ANO10: variants seen among roughly 807,000 people sequenced by gnomAD.
The protein encoded by ANO10 is anoctamin-10.
Under a neutral mutation model 74.7 loss-of-function variants are expected in ANO10, and 77 were observed. The observed-to-expected ratio is 1.03, with a 90% confidence interval of 0.86 to 1.25. ANO10 has a LOEUF of 1.25. Ranked by LOEUF, ANO10 falls within the 50% of genes most tolerant of loss-of-function variation. The pLI, the probability that ANO10 is intolerant of heterozygous loss-of-function variation, is 0.00. For synonymous variants in ANO10, 279 were observed against 284.9 expected, an observed-to-expected ratio of 0.98 and a Z score of 0.21; for missense variants, 721 against 778.1, an observed-to-expected ratio of 0.93 and a Z score of 0.87.
At chr3:43,414,945 T>A (rs2092715301) in intron 12 of ANO10, among the ~76,000 whole-genome samples, 1 of 151,236 alleles carries the variant, frequency 6.6e-6, no homozygotes, top group Non-Finnish European at 1.5e-5. Flanking sequence ...CCTCACCCTG[T>A]ATGGTTGTTC....
intron 12 of ANO10, among the ~76,000 whole-genome samples, chr3:43,409,437 T>C (rs2092629296): frequency 6.6e-6 from 1 of 151,886 alleles, no homozygotes; most frequent in African/African-American, 2.4e-5. Flanking sequence ...CCCAGCTACT[T>C]GTGGGGTGAG....
At chr3:43,500,052 G>T (rs1158085336) in intron 11 of ANO10, among the ~76,000 whole-genome samples, 2 of 151,762 alleles carry the variant, frequency 1.3e-5, no homozygotes, top group Non-Finnish European at 2.9e-5. Context: ...TCGTCATGTT[G>T]GCCGGGCTGC....
chr3:43,447,593 T>G (rs2093266539), intron 11 of ANO10, among the ~76,000 whole-genome samples: 1 of 152,216 alleles, frequency 6.6e-6, no homozygotes, highest in African/African-American at 2.4e-5. Context: ...AGAAAGACAC[T>G]GATTCCAGTT....
At chr3:43,530,140 C>T (rs550613101) in intron 11 of ANO10, among the ~76,000 whole-genome samples, 3 of 151,958 alleles carry the variant, frequency 2.0e-5, no homozygotes, top group Admixed American at 6.6e-5. Flanking sequence ...GAATTAAGGT[C>T]CAAAAGCATT....
intron 11 of ANO10, among the ~76,000 whole-genome samples, chr3:43,519,889 T>C (rs924790304): frequency 6.6e-6 from 1 of 152,190 alleles, no homozygotes; most frequent in African/African-American, 2.4e-5. Context: ...TTTTCAGTTC[T>C]TGTAACTGTA....
chr3:43,690,765 G>C (rs556727299), intron 1 of ANO10: 1 of 433,658 alleles, frequency 2.3e-6, no homozygotes, highest in African/African-American at 2.1e-5. Flanking sequence ...TTACACCCGG[G>C]AGCGTCGGGC....
In ANO10 at chr3:43,428,796, C is replaced by CA. The variant is rs56213626; in HGVS notation, c.1914+3814dup. 5.6e-3 allele frequency among the ~76,000 whole-genome samples: 310 copies of CA among 55,414 alleles called. 30 individuals are homozygous for CA. The highest frequency in any genetic ancestry group is 0.083 in the Middle Eastern group (2 of 24). 36.4% of individuals were successfully genotyped at this position (55,414 alleles called of 152,430 possible). On this transcript the variant is annotated intron_variant, in intron 12 of 12. Coordinates refer to ENST00000292246, the MANE Select transcript of ANO10 (RefSeq NM_018075.5). The stretch of plus-strand genomic sequence containing the variant: ...CCAAAATCCTGAAACTTTGTGAATG[C>CA]AAAAAAAAAAAAAAAAAAAAAAGTC...
intron 12 of ANO10, among the ~76,000 whole-genome samples, chr3:43,385,529 G>A (rs542191775): frequency 6.6e-6 from 1 of 152,246 alleles, no homozygotes; most frequent in East Asian, 1.9e-4. Context: ...CAACCAACGA[G>A]TGGATAAAGA....
intron 9 of ANO10, among the ~76,000 whole-genome samples, chr3:43,556,584 A>G (rs1030914901): frequency 1.3e-5 from 2 of 152,198 alleles, no homozygotes; most frequent in African/African-American, 4.8e-5. Context: ...CAAGGACATA[A>G]TCCAACAGCA....
At chr3:43,419,672 T>C (rs908336730) in intron 12 of ANO10, among the ~76,000 whole-genome samples, 1 of 151,974 alleles carries the variant, frequency 6.6e-6, no homozygotes, top group African/African-American at 2.4e-5. Flanking sequence ...TGCACCACCA[T>C]GGCTGGCTAA....
At chr3:43,417,473 C>T (rs2092758508) in intron 12 of ANO10, among the ~76,000 whole-genome samples, 2 of 152,178 alleles carry the variant, frequency 1.3e-5, no homozygotes, top group Admixed American at 6.5e-5. Flanking sequence ...CCGGCGCATC[C>T]ACTACCGGTT....
intron 1 of ANO10, among the ~76,000 whole-genome samples, chr3:43,658,119 T>C (rs1259538275): frequency 6.6e-6 from 1 of 152,170 alleles, no homozygotes; most frequent in Non-Finnish European, 1.5e-5. Context: ...TTGAAAATAA[T>C]ATGAAATAAT....
chr3:43,466,450 T>A (rs2075631208), intron 11 of ANO10, among the ~76,000 whole-genome samples: 1 of 140,820 alleles, frequency 7.1e-6, no homozygotes, highest in African/African-American at 2.6e-5. Flanking sequence ...TATAATAGAG[T>A]CCTGAAATTG....
upstream of ANO10, among the ~76,000 whole-genome samples, chr3:43,625,776 C>T (rs574336954): frequency 1.3e-4 from 20 of 152,190 alleles, no homozygotes; most frequent in African/African-American, 3.9e-4. Context: ...CAGTTTGTCA[C>T]GTCCTTTGAT....
intron 11 of ANO10, among the ~76,000 whole-genome samples, chr3:43,446,545 A>T (rs2093249295): frequency 1.3e-5 from 2 of 152,248 alleles, no homozygotes; most frequent in South Asian, 2.1e-4. Flanking sequence ...ATACTGGTTT[A>T]TGGTTTATTA....
At chr3:43,658,555 T>C (rs1304166772) in intron 1 of ANO10, among the ~76,000 whole-genome samples, 3 of 152,048 alleles carry the variant, frequency 2.0e-5, no homozygotes, top group Admixed American at 2.0e-4. Context: ...CTGCAACCTC[T>C]GCCTCCTGGG....
chr3:43,685,478 C>T (rs760171080), intron 1 of ANO10, among the ~76,000 whole-genome samples: 3 of 151,952 alleles, frequency 2.0e-5, no homozygotes, highest in Non-Finnish European at 4.4e-5. Flanking sequence ...TTTTTTTTGA[C>T]ATTAGACTAC....
intron 11 of ANO10, among the ~76,000 whole-genome samples, chr3:43,518,063 G>A (rs569205691): frequency 2.0e-5 from 3 of 152,250 alleles, no homozygotes; most frequent in East Asian, 1.9e-4. Context: ...TTAAACACAC[G>A]TATGCTGCAG....
intron 4 of ANO10, among the ~76,000 whole-genome samples, chr3:43,594,314 C>G (rs1014642298): frequency 6.6e-6 from 1 of 152,162 alleles, no homozygotes; most frequent in African/African-American, 2.4e-5. Flanking sequence ...ATACATTCTT[C>G]TCAGCACCAC....
Sources: gnomAD v4.1 joint callset for allele counts (sites outside exome capture counted in the v4.1 genomes callset) on GRCh38, gnomAD v4.1.1 for gene constraint, MANE v1.5 for transcripts, NCBI Gene and HGNC (gene_info 2026-07-23, HGNC 2026-07-21) for gene names.